Variants in CHD7 observed in about 807,000 individuals in gnomAD.
CHD7 encodes the protein ATP-dependent chromatin remodeler CHD7.
A neutral mutation model predicts 307.3 loss-of-function variants in CHD7; 24 were observed. The observed-to-expected ratio is 0.08, with a 90% CI of 0.06 to 0.11. The LOEUF (loss-of-function observed/expected upper bound fraction) is 0.11, where lower values mean the gene tolerates loss of function less well. Among genes scored for constraint, CHD7 ranks in the 10% least tolerant of loss-of-function variants. The pLI is 1.00. For missense variants in CHD7, 3,106 were observed against 3,727.1 expected (o/e 0.83, Z 4.34); for synonymous variants, 1,363 against 1,349.9 (o/e 1.01, Z -0.21).
intron 1 of CHD7, among the ~76,000 whole-genome samples, chr8:60,714,076 G>C (rs1300720829): frequency 1.3e-5 from 2 of 151,844 alleles, no homozygotes; most frequent in African/African-American, 4.8e-5. Flanking sequence ...CGCTGGGGCA[G>C]AGCCAGGCCT....
rs1189825036 is a variant in CHD7 at position 60,852,926 on chromosome 8, G to A, written c.6201G>A (p.Gln2067=). 3.7e-6 allele frequency: 6 copies of A among 1,613,872 alleles called. No homozygotes were observed. The highest frequency in any genetic ancestry group is 4.2e-6 in the Non-Finnish European group (5 of 1,179,900). The change falls in exon 31 of 38, where the codon CAG becomes CAA. Residue 2067 remains glutamine, a synonymous_variant. Transcript: ENST00000423902. ...RIELLRKIRE[Q]VLHHPQLGER... ...AGCTGCTACGGAAGATCCGCGAGCA[G>A]GTTCTCCATCACCCCCAGCTGGGAG...
At chr8:60,707,935 G>T (rs922494048) in intron 1 of CHD7, among the ~76,000 whole-genome samples, 2 of 152,212 alleles carry the variant, frequency 1.3e-5, no homozygotes, top group African/African-American at 4.8e-5. Flanking sequence ...GTGTATGTCT[G>T]TCAAAGCATT....
In CHD7 at chr8:60,741,475, A is replaced by T; in HGVS notation, c.43A>T (p.Asn15Tyr). Reference sequence around the variant, plus strand: ...GATGAGTCTTTTTGGCGAGGATGGGAATATTTTCAGTGAAGGTCTTGAAGG... The same window carrying T: ...GATGAGTCTTTTTGGCGAGGATGGGTATATTTTCAGTGAAGGTCTTGAAGG... Reference protein sequence around the residue: ...GMMSLFGEDGNIFSEGLEGLG... With the variant: ...GMMSLFGEDGYIFSEGLEGLG... Residue 15 changes from asparagine (N) to tyrosine (Y), a missense_variant, in exon 2 of 38, where the codon AAT becomes TAT. Around this residue, in one of 10 missense-constraint regions of CHD7, gnomAD observed 998 missense variants for 1,004.5 expected, o/e 0.99. Coordinates refer to ENST00000423902, the MANE Select transcript of CHD7 (RefSeq NM_017780.4). 1 of 1,611,894 alleles carries T rather than the reference A, an allele frequency of 6.2e-7. No individual in the cohort carries two copies. The highest frequency in any genetic ancestry group is 8.5e-7 in the Non-Finnish European group (1 of 1,178,890).
rs1441258013 is a variant in CHD7 at position 60,800,524 on chromosome 8, A to G, written c.2375A>G (p.Gln792Arg). ...SPSNTSQSEQ[Q>R]ESVDAEGPVV... ...TCCAACACCTCCCAGTCAGAACAGC[A>G]GGTTAGTACCAGATCTGTGGGATTT... The change falls in exon 5 of 38, where the codon CAG becomes CGG. Residue 792 changes from glutamine to arginine, a missense_variant and splice_region_variant. By Grantham distance (43) the Gln-to-Arg change is conservative. Transcript: ENST00000423902. 2.4e-5 allele frequency: 39 copies of G among 1,611,790 alleles called. No homozygotes were observed. Among genetic ancestry groups the G allele is most frequent in the Non-Finnish European group, 3.2e-5 (38 of 1,179,202 alleles).
intron 2 of CHD7, among the ~76,000 whole-genome samples, chr8:60,766,096 T>C (rs1035489817): frequency 4.6e-5 from 7 of 152,270 alleles, no homozygotes; most frequent in Admixed American, 4.6e-4. Context: ...CACCTAGAAC[T>C]AACAGTTGCT....
intron 15 of CHD7, among the ~76,000 whole-genome samples, chr8:60,830,911 G>T (rs1354500599): frequency 6.6e-6 from 1 of 152,168 alleles, no homozygotes; most frequent in Non-Finnish European, 1.5e-5. Context: ...GGTTTTCTTG[G>T]GGTGTGTGTA....
At chr8:60,831,593 G>C (rs994678462) in intron 15 of CHD7, among the ~76,000 whole-genome samples, 4 of 151,722 alleles carry the variant, frequency 2.6e-5, no homozygotes, top group African/African-American at 9.7e-5. Context: ...TATGATTCAG[G>C]GTGATGCGTC....
rs530277233 is a variant in CHD7, at chr8:60,861,426, C to T, written c.7830+301C>T. 1.3e-4 allele frequency: 38 copies of T among 293,968 alleles called. 1 individual carries two copies. In the Middle Eastern group the frequency reaches 4.8e-3, roughly 37 times the overall value. The allele number at this position is 293,968 out of a possible 1,614,324, so 18.2% of individuals were successfully genotyped here. A position where few individuals can be genotyped will look rare whatever the true frequency, so the allele number is the denominator to read the frequency against. On this transcript the variant is annotated intron_variant, in intron 35 of 37. Coordinates refer to ENST00000423902, the MANE Select transcript of CHD7 (RefSeq NM_017780.4). ...AGTTATTCTTTCCATGGCATCGTTTCCAGGCAGTCTTAGTATTGGGGTAAC... is the reference window on the plus strand; with the variant it reads ...AGTTATTCTTTCCATGGCATCGTTTTCAGGCAGTCTTAGTATTGGGGTAAC...
chr8:60,742,993 C>G lies in CHD7; in HGVS notation c.1561C>G (p.Pro521Ala). ...LPTCPPLQPH[P>A]GLHHQSSPPH... ...AACCTGTCCTCCACTGCAGCCTCAC[C>G]CGGGCTTGCACCACCAGTCTTCACC... Residue 521 changes from proline (P) to alanine (A), a missense_variant, in exon 2 of 38, where the codon CCG (proline) becomes GCG (alanine). Around this residue, in one of 10 missense-constraint regions of CHD7, gnomAD observed 998 missense variants for 1,004.5 expected, o/e 0.99. Coordinates refer to ENST00000423902, the MANE Select transcript of CHD7 (RefSeq NM_017780.4). The G allele has an allele frequency of 6.2e-7, 1 of 1,613,770 alleles. No homozygotes were observed. Among genetic ancestry groups the G allele is most frequent in the Non-Finnish European group, 8.5e-7 (1 of 1,179,812 alleles).
Position 60,856,871 on chromosome 8 carries a change from C to A in CHD7, c.7591C>A (p.Arg2531=). 6.4e-7 allele frequency: 1 copy of A among 1,553,738 alleles called. No individual in the cohort carries two copies. The part of the protein sequence containing the change: ...GLDLLFMSHK[R]TSLSAEDAEV... ...TGATCTGCTTTTCATGAGCCACAAA[C>A]GGACGTCATTGAGTGCAGTAAGTTG... Residue 2531 remains arginine, a synonymous_variant, in exon 34 of 38, where the codon CGG becomes AGG. Transcript: ENST00000423902.
At chr8:60,733,073 GA>G (rs200085272) in intron 1 of CHD7, among the ~76,000 whole-genome samples, 66 of 148,870 alleles carry the variant, frequency 4.4e-4, no homozygotes, top group South Asian at 4.0e-3. Flanking sequence ...TGTTTCCCAG[GA>G]AAAAAAAAAA....
At position 60,738,667 on chromosome 8, in the gene CHD7, G is replaced by A. The variant is rs567786159; in HGVS notation, c.-174-2592G>A. 2.0e-5 allele frequency among the ~76,000 whole-genome samples: 3 copies of A among 152,236 alleles called. No homozygotes were observed. The South Asian group carries it at 6.2e-4, about 32-fold the overall frequency. On this transcript the variant is annotated intron_variant, in intron 1 of 37. Transcript: ENST00000423902. ...AAATGCAGCTACCAGATGGATTCCT[G>A]GCATAGTTGCCAGCTGGGTCTTGAG...
At chr8:60,728,067 G>C (rs1173296197) in intron 1 of CHD7, among the ~76,000 whole-genome samples, 1 of 152,180 alleles carries the variant, frequency 6.6e-6, no homozygotes, top group Non-Finnish European at 1.5e-5. Context: ...CTCCAGTCTT[G>C]TACCTTTCTC....
At chr8:60,854,745 GATA>G (rs1805628407) in intron 32 of CHD7, among the ~76,000 whole-genome samples, 1 of 152,206 alleles carries the variant, frequency 6.6e-6, no homozygotes, top group African/African-American at 2.4e-5. Context: ...GTGAAAGAAA[GATA>G]ATAAGAAATA....
intron 2 of CHD7, among the ~76,000 whole-genome samples, chr8:60,777,866 T>C (rs1004003809): frequency 6.6e-6 from 1 of 152,176 alleles, no homozygotes; most frequent in African/African-American, 2.4e-5. Flanking sequence ...GGAATTATAG[T>C]AGAATATATG....
rs576603859 is a variant in CHD7, at chr8:60,754,847, A to T, written c.1665+11750A>T. Reference sequence around the variant, plus strand: ...ATTCCCTCTAGCATGCAAGAAGTTCATCCACTGACCTATAATATATGTAGT... The same window carrying T: ...ATTCCCTCTAGCATGCAAGAAGTTCTTCCACTGACCTATAATATATGTAGT... On this transcript the variant is annotated intron_variant, in intron 2 of 37. Transcript: ENST00000423902. Among the ~76,000 whole-genome samples the T allele has an allele frequency of 3.9e-5, 6 of 152,346 alleles. No homozygotes were observed. In the East Asian group the frequency reaches 1.2e-3, roughly 29 times the overall value.
chr8:60,865,803 G>A lies in CHD7; in HGVS notation c.8864G>A (p.Gly2955Asp), dbSNP rs1001934196. The A allele has an allele frequency of 6.2e-7, 1 of 1,614,020 alleles. No homozygotes were observed. Residue 2955 changes from glycine (G) to aspartate (D), a missense_variant, in exon 38 of 38, where the codon GGC becomes GAC. By Grantham distance (94) the Gly-to-Asp change is moderately conservative. This residue lies in a region of CHD7 where 351 missense variants were observed against 366.2 expected (regional missense o/e 0.96). Transcript: ENST00000423902. The surrounding 1 kb of genome is among the most constrained non-coding windows in gnomAD (Gnocchi z 4.3). ...TTTAAAGATGGAGAGACCCTTGAAG[G>A]CAGCGATGCCGAGGAGAGCCTGGAT... ...GPFKDGETLE[G>D]SDAEESLDKT... is the part of the protein sequence containing the mutation.
intron 3 of CHD7, among the ~76,000 whole-genome samples, chr8:60,787,490 T>G (rs1011522962): frequency 7.2e-5 from 11 of 152,174 alleles, no homozygotes; most frequent in African/African-American, 2.4e-4. Flanking sequence ...TTTTATATAG[T>G]TTTGTAGTGT....
intron 21 of CHD7, among the ~76,000 whole-genome samples, chr8:60,842,968 C>G (rs192554765): frequency 7.9e-5 from 12 of 152,308 alleles, no homozygotes; most frequent in African/African-American, 2.4e-4. Context: ...GAGGACCCCC[C>G]ACTTGCACCT....
Sources: gnomAD v4.1 joint callset for allele counts (sites outside exome capture counted in the v4.1 genomes callset) on GRCh38, gnomAD v4.1.1 for gene constraint, gnomAD v4.1.1 regional missense constraint, Gnocchi (gnomAD v3.1) non-coding constraint, MANE v1.5 for transcripts, NCBI Gene and HGNC (gene_info 2026-07-23, HGNC 2026-07-21) for gene names.